The following EPN2 variants were observed in gnomAD, a reference collection of about 807,000 sequenced individuals.
The protein encoded by EPN2 is epsin 2, also known as epsin-2.
In EPN2, 34 loss-of-function variants were observed where a neutral mutation model predicts 61.7. The ratio of observed to expected loss-of-function variants is 0.55; its 90% CI spans 0.42 to 0.73. The LOEUF (loss-of-function observed/expected upper bound fraction) is 0.73. EPN2 is among the 30% of genes least tolerant of loss of function. The probability of loss-of-function intolerance (pLI) is 0.00; values close to 1 mark genes in which losing one functional copy is unlikely to be tolerated. For synonymous variants in EPN2, 349 were observed against 353.6 expected (o/e 0.99, Z 0.15); for missense variants, 714 against 839.2 (o/e 0.85, Z 1.84).
chr17:19,273,862 C>G (rs922444444), intron 1 of EPN2, among the ~76,000 whole-genome samples: 2 of 152,142 alleles, frequency 1.3e-5, no homozygotes, highest in African/African-American at 4.8e-5. Context: ...GTGGCTGAAA[C>G]AGAGTCATAA....
At chr17:19,324,395 G>A (rs150479854) in intron 7 of EPN2, among the ~76,000 whole-genome samples, 9 of 152,298 alleles carry the variant, frequency 5.9e-5, no homozygotes, top group East Asian at 1.9e-4. Context: ...GTGCGATGGC[G>A]TGATCTCAGC....
chr17:19,243,802 G>T (rs1156317572), intron 1 of EPN2, among the ~76,000 whole-genome samples: 1 of 152,102 alleles, frequency 6.6e-6, no homozygotes, highest in African/African-American at 2.4e-5. Context: ...GCCTCCCAAA[G>T]TGCTGGGATT....
intron 7 of EPN2, among the ~76,000 whole-genome samples, chr17:19,316,263 A>G (rs1250009719): frequency 6.6e-6 from 1 of 152,240 alleles, no homozygotes; most frequent in Non-Finnish European, 1.5e-5. Context: ...AAAATTAAGA[A>G]TATGGTTTGA....
chr17:19,242,466 C>T (rs1443088291), intron 1 of EPN2, among the ~76,000 whole-genome samples: 2 of 152,138 alleles, frequency 1.3e-5, no homozygotes, highest in Non-Finnish European at 2.9e-5. Context: ...GAACCAGATC[C>T]GCAACATTGT....
intron 7 of EPN2, among the ~76,000 whole-genome samples, chr17:19,316,761 TAAGC>T (rs1329811549): frequency 6.6e-6 from 1 of 152,270 alleles, no homozygotes; most frequent in Admixed American, 6.5e-5. Flanking sequence ...CATCATTTAC[TAAGC>T]AGCCTAGTGA....
At chr17:19,298,506 T>C (rs1164500941) in intron 4 of EPN2, among the ~76,000 whole-genome samples, 1 of 152,138 alleles carries the variant, frequency 6.6e-6, no homozygotes, top group Non-Finnish European at 1.5e-5. Context: ...CCCGGCCTAT[T>C]TATGTTTTTT....
intron 1 of EPN2, chr17:19,249,297 A>C (rs1386754132): frequency 6.6e-6 from 1 of 152,290 alleles, no homozygotes; most frequent in East Asian, 1.9e-4. Context: ...TGGCACCCTG[A>C]GGGTGGCTGG....
chr17:19,295,364 A>ACACACGCG (rs1555600579), intron 4 of EPN2, among the ~76,000 whole-genome samples: 2 of 81,852 alleles, frequency 2.4e-5, no homozygotes, highest in Admixed American at 2.1e-4. Context: ...ACACACACAC[A>ACACACGCG]CACGCGCGTG....
chr17:19,290,907 G>A (rs1249662508), intron 4 of EPN2, among the ~76,000 whole-genome samples: 1 of 152,012 alleles, frequency 6.6e-6, no homozygotes, highest in African/African-American at 2.4e-5. Context: ...TGCTGACGCC[G>A]CTGGCCCTGG....
chr17:19,316,851 T>C (rs1906407844), intron 7 of EPN2, among the ~76,000 whole-genome samples: 1 of 152,226 alleles, frequency 6.6e-6, no homozygotes, highest in African/African-American at 2.4e-5. Context: ...AGTGATTTCT[T>C]TTAATTCTGA....
intron 4 of EPN2, among the ~76,000 whole-genome samples, chr17:19,295,372 G>GCGCGCA (rs2045508639): frequency 8.3e-6 from 1 of 119,970 alleles, no homozygotes; most frequent in Non-Finnish European, 1.6e-5. Flanking sequence ...ACACACGCGC[G>GCGCGCA]TGCGCGCAAA....
chr17:19,290,492 A>G (rs941661778), intron 4 of EPN2, among the ~76,000 whole-genome samples: 3 of 152,136 alleles, frequency 2.0e-5, no homozygotes, highest in African/African-American at 7.2e-5. Flanking sequence ...AGGACACTCT[A>G]AGGCCAGGGG....
intron 10 of EPN2, 44 bp from the exon 11 acceptor site, chr17:19,333,912 A>G: frequency 6.7e-7 from 1 of 1,489,972 alleles, no homozygotes. Flanking sequence ...TCAGAAAGCC[A>G]CACCCTGACG....
At chr17:19,242,932 C>T (rs2044901005) in intron 1 of EPN2, among the ~76,000 whole-genome samples, 1 of 152,206 alleles carries the variant, frequency 6.6e-6, no homozygotes, top group Non-Finnish European at 1.5e-5. Context: ...TAGCTGAGAA[C>T]ACCAAGTGGT....
At chr17:19,265,397 G>A (rs917752799) in intron 1 of EPN2, among the ~76,000 whole-genome samples, 2 of 144,852 alleles carry the variant, frequency 1.4e-5, no homozygotes, top group East Asian at 2.1e-4. Context: ...AAAAAAGAAC[G>A]TCTAGGAAGT....
Position 19,283,074 on chromosome 17 carries a change from GT to G in EPN2, c.-43del. 1 of 1,437,580 alleles carries G rather than the reference GT, an allele frequency of 7.0e-7. No homozygotes were observed. Among genetic ancestry groups the G allele is most frequent in the Non-Finnish European group, 9.6e-7 (1 of 1,044,106 alleles). The allele number at this position is 1,437,580 out of a possible 1,614,324, so 89.1% of individuals were successfully genotyped here. A position where few individuals can be genotyped will look rare whatever the true frequency, so the allele number is the denominator to read the frequency against. Reference sequence around the variant, plus strand: ...GTGCGCACTTACCAAGGACAGGAAGGTTTCTCTGTTTGAAGGGCTTTAAACT... The same window carrying G: ...GTGCGCACTTACCAAGGACAGGAAGGTTCTCTGTTTGAAGGGCTTTAAACT... On this transcript the variant is annotated 5_prime_UTR_variant, in exon 3 of 11. Transcript: ENST00000314728. This position sits in a 1 kb window ranked among gnomAD's most constrained non-coding sequence, Gnocchi z 7.0.
intron 7 of EPN2, among the ~76,000 whole-genome samples, chr17:19,328,066 A>T (rs957925401): frequency 5.9e-5 from 9 of 152,016 alleles, no homozygotes; most frequent in South Asian, 2.1e-4. Context: ...TTTTTTAAAA[A>T]TTTTTTTCTC....
At chr17:19,248,551 A>G (rs1470895855) in intron 1 of EPN2, 1 of 152,234 alleles carries the variant, frequency 6.6e-6, no homozygotes, top group Non-Finnish European at 1.5e-5. Flanking sequence ...TCAGTTTATT[A>G]GTCAAAGTCT....
At chr17:19,252,280 G>A (rs372704209) in intron 1 of EPN2, among the ~76,000 whole-genome samples, 4 of 152,296 alleles carry the variant, frequency 2.6e-5, no homozygotes, top group African/African-American at 9.6e-5. Context: ...GTTGGGCTCA[G>A]TGTGGAGCAT....
Sources: gnomAD v4.1 joint callset for allele counts (sites outside exome capture counted in the v4.1 genomes callset) on GRCh38, gnomAD v4.1.1 for gene constraint, Gnocchi (gnomAD v3.1) non-coding constraint, MANE v1.5 for transcripts, NCBI Gene and HGNC (gene_info 2026-07-23, HGNC 2026-07-21) for gene names.